The following KMT2D variants were observed in gnomAD, a reference collection of about 807,000 sequenced individuals.
KMT2D encodes the protein histone-lysine N-methyltransferase 2D.
Under a neutral mutation model 512.7 loss-of-function variants are expected in KMT2D, and 55 were observed. The observed-to-expected ratio is 0.11, with a 90% CI of 0.09 to 0.13. The LOEUF is 0.13. Among genes scored for constraint, KMT2D ranks in the 10% least tolerant of loss-of-function variants. KMT2D has a pLI of 1.00. For synonymous variants in KMT2D, 2,995 were observed against 2,904.0 expected, an observed-to-expected ratio of 1.03 and a Z score of -1.01; for missense variants, 6,061 against 7,127.9, an observed-to-expected ratio of 0.85 and a Z score of 5.39.
Position 49,053,048 on chromosome 12 carries a change from C to G in KMT2D, c.979G>C (p.Gly327Arg). 2.5e-6 allele frequency: 4 copies of G among 1,614,050 alleles called. No homozygotes were observed. Among genetic ancestry groups the G allele is most frequent in the Non-Finnish European group, 3.4e-6 (4 of 1,179,888 alleles). The change falls in exon 9 of 55, where the codon GGG becomes CGG. Residue 327 changes from glycine (G) to arginine (R), a missense_variant. Gly to Arg is a moderately radical substitution (Grantham distance 125). Coordinates refer to ENST00000301067, the MANE Select transcript of KMT2D (RefSeq NM_003482.4). ...CKACRVCRAC[G>R]AGSAELNPNS... ...GGATTCAGTTCTGCTGAGCCCGCCCCACAGGCCCGGCACACCCGGCACGCC... is the reference window on the plus strand; with the variant it reads ...GGATTCAGTTCTGCTGAGCCCGCCCGACAGGCCCGGCACACCCGGCACGCC...
At position 49,051,246 on chromosome 12, in the gene KMT2D, G is replaced by T. The variant is rs1937975328; in HGVS notation, c.2437C>A (p.Pro813Thr). The change falls in exon 11 of 55, where the codon CCG (proline) becomes ACG (threonine). Residue 813 changes from proline to threonine, a missense_variant. By Grantham distance (38) the Pro-to-Thr change is conservative. This residue lies in a region of KMT2D where 848 missense variants were observed against 838.5 expected (regional missense o/e 1.01). Coordinates refer to ENST00000301067, the MANE Select transcript of KMT2D (RefSeq NM_003482.4). ...TCCTCAGGCACAGGAGACAGGTGCG[G>T]CTCCTCAGTCTGGGGGGACAGGTGC... is the stretch of plus-strand genomic sequence containing the variant. ...ELHLSPQTEEPHLSPVPEEPC... is the reference protein window; with the variant it reads ...ELHLSPQTEETHLSPVPEEPC... 1.3e-6 allele frequency: 2 copies of T among 1,527,068 alleles called. No homozygotes were observed. Among genetic ancestry groups the T allele is most frequent in the Non-Finnish European group, 1.8e-6 (2 of 1,134,188 alleles). The allele number at this position is 1,527,068 out of a possible 1,614,324, so 94.6% of individuals were successfully genotyped here. A position where few individuals can be genotyped will look rare whatever the true frequency, so the allele number is the denominator to read the frequency against.
chr12:49,034,973 C>A (rs1943144601), intron 35 of KMT2D, 38 bp from the exon 36 acceptor site: 2 of 1,609,876 alleles, frequency 1.2e-6, no homozygotes, highest in Non-Finnish European at 1.7e-6. Context: ...GGCTATGGGG[C>A]CAATGCTCCA....
rs1943581760 is a variant in KMT2D, at chr12:49,042,383, C to T, written c.5868-53G>A. On this transcript the variant is annotated intron_variant, in intron 28 of 54. Transcript: ENST00000301067. The surrounding 1 kb of genome is among the most constrained non-coding windows in gnomAD (Gnocchi z 4.4). The stretch of plus-strand genomic sequence containing the variant: ...GGCGCAGGGATGCCAAGTCCCACCC[C>T]AGACAAACTGCCTAGAGCCCCAGGC... 3 of 1,491,278 alleles carry T rather than the reference C, an allele frequency of 2.0e-6. No individual in the cohort carries two copies. The East Asian group carries it at 7.4e-5, about 37-fold the overall frequency. 92.4% of individuals were successfully genotyped at this position (1,491,278 alleles called of 1,614,324 possible).
chr12:49,036,054 G>C (rs545370978), intron 35 of KMT2D: 2 of 152,160 alleles, frequency 1.3e-5, no homozygotes, highest in Non-Finnish European at 2.9e-5. Flanking sequence ...TATTTAATGA[G>C]TCTGCTATAA....
In KMT2D at chr12:49,037,582, C is replaced by G. The variant is rs1241784733; in HGVS notation, c.9774G>C (p.Lys3258Asn). The G allele has an allele frequency of 6.4e-7, 1 of 1,554,816 alleles. No homozygotes were observed. The highest frequency in any genetic ancestry group is 8.7e-7 in the Non-Finnish European group (1 of 1,148,940). The stretch of plus-strand genomic sequence containing the variant: ...AAAGCTGCTGCTTCTTCTGCAGCTC[C>G]TTCTTCTCATGCTCCAACAGGTCCT... ...LIEDLLEHEK[K>N]ELQKKQQLSA... Residue 3258 changes from lysine to asparagine, a missense_variant, in exon 35 of 55, where the codon AAG (lysine) becomes AAC (asparagine). Physicochemically the swap from Lys to Asn is moderately conservative, Grantham distance 94 (BLOSUM62 0). Transcript: ENST00000301067.
Position 49,043,101 on chromosome 12 carries a change from A to G in KMT2D, c.5619T>C (p.Ser1873=), listed in dbSNP as rs942026541. Residue 1873 remains serine (S), a synonymous_variant, in exon 26 of 55, where the codon TCT becomes TCC. Transcript: ENST00000301067. The part of the protein sequence containing the change: ...PGTPGEGMLS[S]DLDRISTEEL... The stretch of plus-strand genomic sequence containing the variant: ...CTTCTGTGGAAATCCTGTCTAAGTC[A>G]GAGCTAAGCATCCCTTCACCTGGGG... The G allele has an allele frequency of 7.4e-6, 12 of 1,613,882 alleles. No homozygotes were observed. The highest frequency in any genetic ancestry group is 8.5e-6 in the Non-Finnish European group (10 of 1,179,770).
At chr12:49,043,258 A>G in intron 25 of KMT2D, 72 bp from the exon 26 acceptor site, 3 of 1,549,732 alleles carry the variant, frequency 1.9e-6, no homozygotes, top group Non-Finnish European at 1.8e-6. Flanking sequence ...ACAGAGGGCC[A>G]TGGGACAGTT....
Position 49,022,290 on chromosome 12 carries a change from C to T in KMT2D, c.16402G>A (p.Gly5468Ser), listed in dbSNP as rs2137704840. 2 of 1,606,122 alleles carry T rather than the reference C, an allele frequency of 1.2e-6. No homozygotes were observed. Among genetic ancestry groups the T allele is most frequent in the Non-Finnish European group, 1.7e-6 (2 of 1,173,404 alleles). The change falls in exon 53 of 55, where the codon GGC (glycine) becomes AGC (serine). Residue 5468 changes from glycine (G) to serine (S), a missense_variant. By Grantham distance (56) the Gly-to-Ser change is moderately conservative. This residue lies in a region of KMT2D where 44 missense variants were observed against 194.7 expected (regional missense o/e 0.23). Coordinates refer to ENST00000301067, the MANE Select transcript of KMT2D (RefSeq NM_003482.4). The surrounding 1 kb of genome is among the most constrained non-coding windows in gnomAD (Gnocchi z 8.6). Reference sequence around the variant, plus strand: ...CTCGTCATCTCTCACCTGGCAGGGCCGCCGGTCAACGTAGCATCAATCACA... The same window carrying T: ...CTCGTCATCTCTCACCTGGCAGGGCTGCCGGTCAACGTAGCATCAATCACA... The part of the protein sequence containing the change: ...EHVIDATLTG[G>S]PARYINHSCA...
intron 6 of KMT2D, 139 bp downstream of exon 6, chr12:49,053,839 C>T: frequency 9.0e-7 from 1 of 1,111,186 alleles, no homozygotes; most frequent in Non-Finnish European, 1.3e-6. Flanking sequence ...CCCTGGTGCT[C>T]ACAAAGTTCA....
rs2120556672 is a variant in KMT2D at position 49,042,569 on chromosome 12, C to G, written c.5859G>C (p.Leu1953=). The G allele has an allele frequency of 6.2e-7, 1 of 1,613,782 alleles. No individual in the cohort carries two copies. Among genetic ancestry groups the G allele is most frequent in the Non-Finnish European group, 8.5e-7 (1 of 1,179,768 alleles). ...SYPGLCQSPF[L]DSRERGGFFS... ...TACGCAGAGACACCAACCTAGAATC[C>G]AGGAACGGGGACTGGCAGAGGCCTG... Residue 1953 remains leucine, a synonymous_variant, in exon 28 of 55, where the codon CTG becomes CTC. Transcript: ENST00000301067. The surrounding 1 kb of genome is among the most constrained non-coding windows in gnomAD (Gnocchi z 4.4).
rs746543692 is a variant in KMT2D at position 49,050,617 on chromosome 12, T to G, written c.2971A>C (p.Thr991Pro). ...ATAGGGGGGACAGGCTCAGGGTCAG[T>G]GCAGTTAGCTTCTGGTGGAGGGCTG... ...PISPPPEANC[T>P]DPEPVPPMIL... is the part of the protein sequence containing the mutation. Residue 991 changes from threonine (T) to proline (P), a missense_variant, in exon 12 of 55, where the codon ACT becomes CCT. Coordinates refer to ENST00000301067, the MANE Select transcript of KMT2D (RefSeq NM_003482.4). The G allele has an allele frequency of 3.1e-6, 5 of 1,611,652 alleles. No homozygotes were observed. The highest frequency in any genetic ancestry group is 4.2e-6 in the Non-Finnish European group (5 of 1,178,556).
At position 49,029,382 on chromosome 12, in the gene KMT2D, T is replaced by C; in HGVS notation, c.14075+19A>G. 1 of 1,556,958 alleles carries C rather than the reference T, an allele frequency of 6.4e-7. No individual in the cohort carries two copies. Among genetic ancestry groups the C allele is most frequent in the Non-Finnish European group, 8.7e-7 (1 of 1,149,206 alleles). ...ACCCCACCCTTGTTCCTCATCCCCATTTCTGGCCCCGCCCCTACCTGACAT... is the reference window on the plus strand; with the variant it reads ...ACCCCACCCTTGTTCCTCATCCCCACTTCTGGCCCCGCCCCTACCTGACAT... On this transcript the variant is annotated intron_variant, in intron 44 of 54. Coordinates refer to ENST00000301067, the MANE Select transcript of KMT2D (RefSeq NM_003482.4).
Position 49,020,731 on chromosome 12 carries a change from A to T in KMT2D, c.*1049T>A, listed in dbSNP as rs937671469. 9.5e-6 allele frequency: 2 copies of T among 210,702 alleles called. No individual in the cohort carries two copies. Among genetic ancestry groups the T allele is most frequent in the African/African-American group, 2.3e-5 (1 of 43,606 alleles). 13.1% of individuals were successfully genotyped at this position (210,702 alleles called of 1,614,324 possible). A position where few individuals can be genotyped will look rare whatever the true frequency, so the allele number is the denominator to read the frequency against. On this transcript the variant is annotated 3_prime_UTR_variant, in exon 55 of 55. Coordinates refer to ENST00000301067, the MANE Select transcript of KMT2D (RefSeq NM_003482.4). The stretch of plus-strand genomic sequence containing the variant: ...GGCATGCCACTCAGGGATAGCCCTC[A>T]CCCTACCCCCCACCCAACCCGTCCA...
At chr12:49,048,522 G>C in intron 14 of KMT2D, 137 bp downstream of exon 14, 1 of 641,062 alleles carries the variant, frequency 1.6e-6, no homozygotes, top group Non-Finnish European at 2.8e-6. Flanking sequence ...ACAAACCAAT[G>C]AATAACATGA....
At position 49,044,870 on chromosome 12, in the gene KMT2D, G is replaced by T. The variant is rs756861376; in HGVS notation, c.4837C>A (p.Gln1613Lys). Residue 1613 changes from glutamine to lysine, a missense_variant, in exon 20 of 55, where the codon CAA becomes AAA. Coordinates refer to ENST00000301067, the MANE Select transcript of KMT2D (RefSeq NM_003482.4). This position sits in a 1 kb window ranked among gnomAD's most constrained non-coding sequence, Gnocchi z 6.4. ...LTMSPLHKRR[Q>K]RRGRLGLPGE... Reference sequence around the variant, plus strand: ...GGGAGGCCAAGCCGTCCTCGCCGTTGGCGCCGCTTGTGCAGTGGTGACATG... The same window carrying T: ...GGGAGGCCAAGCCGTCCTCGCCGTTTGCGCCGCTTGTGCAGTGGTGACATG... The T allele has an allele frequency of 1.2e-6, 2 of 1,613,950 alleles. No homozygotes were observed. The highest frequency in any genetic ancestry group is 2.7e-5 in the African/African-American group (2 of 74,950).
chr12:49,055,000 G>A lies in KMT2D; in HGVS notation c.76C>T (p.Pro26Ser). 3 of 1,613,956 alleles carry A rather than the reference G, an allele frequency of 1.9e-6. No homozygotes were observed. The highest frequency in any genetic ancestry group is 1.7e-6 in the Non-Finnish European group (2 of 1,179,880). Residue 26 changes from proline to serine, a missense_variant, in exon 3 of 55, where the codon CCA becomes TCA. Transcript: ENST00000301067. The surrounding 1 kb of genome is among the most constrained non-coding windows in gnomAD (Gnocchi z 6.4). The stretch of plus-strand genomic sequence containing the variant: ...GGCAGGTCTGACTCAGTGGCACTTG[G>A]GTCCTCAGAAGCTGCAGGTCCATCA... Reference protein sequence around the residue: ...AADGPAASEDPSATESDLPNP... With the variant: ...AADGPAASEDSSATESDLPNP...
chr12:49,043,297 G>A (rs2120566100), intron 25 of KMT2D, 66 bp downstream of exon 25: 1 of 1,564,842 alleles, frequency 6.4e-7, no homozygotes, highest in Non-Finnish European at 8.8e-7. Flanking sequence ...CAATGCTCAG[G>A]GGCACAGCAG....
chr12:49,041,999 CAG>C lies in KMT2D; in HGVS notation c.6110-11_6110-10del. 1.2e-6 allele frequency: 2 copies of C among 1,612,270 alleles called. No homozygotes were observed. Among genetic ancestry groups the C allele is most frequent in the African/African-American group, 1.3e-5 (1 of 74,992 alleles). On this transcript the variant is annotated splice_polypyrimidine_tract_variant and intron_variant, in intron 29 of 54. Coordinates refer to ENST00000301067, the MANE Select transcript of KMT2D (RefSeq NM_003482.4). The surrounding 1 kb of genome is among the most constrained non-coding windows in gnomAD (Gnocchi z 5.4). The stretch of plus-strand genomic sequence containing the variant: ...GCAACGGCTTGACCAGTCTGGAGGG[CAG>C]AGAGAGTGAGTCAGAGAAGACTTGG...
rs1943645196 is a variant in KMT2D at position 49,043,669 on chromosome 12, G to A, written c.5433C>T (p.Gly1811=). The A allele has an allele frequency of 1.2e-6, 2 of 1,613,998 alleles. No individual in the cohort carries two copies. Among genetic ancestry groups the A allele is most frequent in the Non-Finnish European group, 1.7e-6 (2 of 1,179,874 alleles). Residue 1811 remains glycine (G), a synonymous_variant, in exon 24 of 55, where the codon GGC becomes GGT. Transcript: ENST00000301067. ...LGTPKAKGDG[G]SERKELPTSQ... ...ATGTGGGGAGTTCCTTCCTTTCTGA[G>A]CCTCCATCTCCCTTGGCTTTTGGGG...
Sources: allele counts gnomAD v4.1 joint callset, GRCh38; gene constraint gnomAD v4.1.1; regional missense constraint gnomAD v4.1.1; non-coding constraint Gnocchi (gnomAD v3.1); transcripts MANE v1.5; gene names NCBI Gene and HGNC (gene_info 2026-07-23, HGNC 2026-07-21).